The following GUCY1A2 variants were observed in gnomAD, a reference collection of about 807,000 sequenced individuals.
GUCY1A2 encodes the protein guanylate cyclase soluble subunit alpha-2.
Under a neutral mutation model 63.5 loss-of-function variants are expected in GUCY1A2, and 27 were observed. The observed-to-expected ratio is 0.43, with a 90% CI of 0.31 to 0.59. GUCY1A2 has a LOEUF of 0.59. Ranked by LOEUF, GUCY1A2 falls within the 20% of genes least tolerant of loss-of-function variation. GUCY1A2 has a pLI of 0.11. For synonymous variants in GUCY1A2, 364 were observed against 343.5 expected, an observed-to-expected ratio of 1.06 and a Z score of -0.66; for missense variants, 768 against 913.3, an observed-to-expected ratio of 0.84 and a Z score of 2.05.
chr11:106,986,564 C>T (rs191225777), intron 1 of GUCY1A2, among the ~76,000 whole-genome samples: 2 of 152,260 alleles, frequency 1.3e-5, no homozygotes, highest in Non-Finnish European at 2.9e-5. Flanking sequence ...TTTTCTTCTA[C>T]ATTTTAACAA....
intron 1 of GUCY1A2, among the ~76,000 whole-genome samples, chr11:107,008,130 T>C (rs1286199811): frequency 6.7e-6 from 1 of 149,262 alleles, no homozygotes; most frequent in Non-Finnish European, 1.5e-5. Context: ...CATACAAAAA[T>C]TAGCCAGGCA....
chr11:106,820,488 T>G (rs1858887122), intron 4 of GUCY1A2, among the ~76,000 whole-genome samples: 2 of 152,148 alleles, frequency 1.3e-5, no homozygotes, highest in African/African-American at 4.8e-5. Flanking sequence ...AACCTCTCCC[T>G]CCCAGGTTCA....
chr11:106,804,480 G>A (rs909931756), intron 5 of GUCY1A2, among the ~76,000 whole-genome samples: 2 of 152,148 alleles, frequency 1.3e-5, no homozygotes, highest in Non-Finnish European at 2.9e-5. Context: ...AAGTACCTAA[G>A]TACTTTGAAA....
intron 3 of GUCY1A2, among the ~76,000 whole-genome samples, chr11:106,946,547 A>C (rs1860831736): frequency 1.3e-5 from 2 of 152,190 alleles, no homozygotes. Context: ...AAGAAACTGC[A>C]AGAAAAAAAG....
At chr11:106,750,212 G>A (rs990397172) in intron 6 of GUCY1A2, among the ~76,000 whole-genome samples, 8 of 152,076 alleles carry the variant, frequency 5.3e-5, no homozygotes, top group Non-Finnish European at 1.0e-4. Flanking sequence ...GTGGAAGCAA[G>A]TGTCCAAAAC....
At chr11:106,772,747 C>CT (rs377728826) in intron 6 of GUCY1A2, among the ~76,000 whole-genome samples, 14 of 152,212 alleles carry the variant, frequency 9.2e-5, no homozygotes, top group African/African-American at 3.4e-4. Context: ...TACAAACATA[C>CT]TCTCCATAAA....
intron 4 of GUCY1A2, among the ~76,000 whole-genome samples, chr11:106,905,127 G>A (rs33916298): frequency 0.16 from 23,978 of 151,890 alleles, 2,326 homozygotes; most frequent in African/African-American, 0.27. Context: ...ATTAAGAGTC[G>A]GCAAACATGG....
intron 1 of GUCY1A2, among the ~76,000 whole-genome samples, chr11:106,990,055 A>G (rs547112527): frequency 6.6e-6 from 1 of 152,318 alleles, no homozygotes; most frequent in South Asian, 2.1e-4. Flanking sequence ...TACTGTTCCT[A>G]CTATCATAAA....
chr11:106,914,857 G>T (rs1357934062), intron 4 of GUCY1A2, among the ~76,000 whole-genome samples: 1 of 151,964 alleles, frequency 6.6e-6, no homozygotes, highest in African/African-American at 2.4e-5. Flanking sequence ...CTTGTAAGTT[G>T]TCACTCCATC....
chr11:106,820,542 G>T (rs934628478), intron 4 of GUCY1A2, among the ~76,000 whole-genome samples: 2 of 152,096 alleles, frequency 1.3e-5, no homozygotes, highest in African/African-American at 4.8e-5. Flanking sequence ...GAAACTACAG[G>T]TACATGCCAT....
chr11:106,815,882 C>T (rs1391082339), intron 4 of GUCY1A2, among the ~76,000 whole-genome samples: 1 of 151,838 alleles, frequency 6.6e-6, no homozygotes. Context: ...AACCTCAAGA[C>T]CTGCCAGCAG....
intron 1 of GUCY1A2, among the ~76,000 whole-genome samples, chr11:107,007,499 A>T (rs1314056934): frequency 2.0e-5 from 3 of 152,190 alleles, no homozygotes; most frequent in Non-Finnish European, 4.4e-5. Context: ...CTCAAGCTCA[A>T]TCTGACATAT....
At chr11:106,802,455 G>A (rs547320287) in intron 5 of GUCY1A2, among the ~76,000 whole-genome samples, 1 of 152,210 alleles carries the variant, frequency 6.6e-6, no homozygotes, top group East Asian at 1.9e-4. Context: ...ATTAGATACA[G>A]GAAATCCTAG....
intron 3 of GUCY1A2, among the ~76,000 whole-genome samples, chr11:106,971,734 C>G (rs1861197205): frequency 6.6e-6 from 1 of 152,078 alleles, no homozygotes; most frequent in Non-Finnish European, 1.5e-5. Context: ...TTCTCTTGCT[C>G]TGTCAGCTGA....
At chr11:107,003,084 T>C (rs1017909741) in intron 1 of GUCY1A2, among the ~76,000 whole-genome samples, 1 of 152,196 alleles carries the variant, frequency 6.6e-6, no homozygotes, top group African/African-American at 2.4e-5. Flanking sequence ...AACATGAATT[T>C]CCAACTCTAA....
At position 107,017,754 on chromosome 11, in the gene GUCY1A2, G is replaced by A. The variant is rs761503334; in HGVS notation, c.302C>T (p.Ser101Leu). The change falls in exon 1 of 8, where the codon TCG becomes TTG. Residue 101 changes from serine to leucine, a missense_variant and splice_region_variant. Coordinates refer to ENST00000526355, the MANE Select transcript of GUCY1A2 (RefSeq NM_000855.3). ...GESISRLTAP[S>L]PQTIQQTLKR... ...TCCCCCCTTCCGCCCCCCGCTCACCGAGGGCGCCGTCAGGCGGCTGATGCT... is the reference window on the plus strand; with the variant it reads ...TCCCCCCTTCCGCCCCCCGCTCACCAAGGGCGCCGTCAGGCGGCTGATGCT... 2.1e-6 allele frequency: 3 copies of A among 1,397,108 alleles called. No homozygotes were observed. The highest frequency in any genetic ancestry group is 2.8e-6 in the Non-Finnish European group (3 of 1,077,272). 86.5% of individuals were successfully genotyped at this position (1,397,108 alleles called of 1,614,324 possible).
intron 6 of GUCY1A2, among the ~76,000 whole-genome samples, chr11:106,756,442 TTGA>T (rs1273176768): frequency 6.6e-6 from 1 of 152,206 alleles, no homozygotes; most frequent in African/African-American, 2.4e-5. Flanking sequence ...CTTCATAGTG[TTGA>T]TGGTCTTTAC....
chr11:106,909,392 C>CGTGTGTGTGTGTGTGTGTGTGTGTGTGT (rs1408056529), intron 4 of GUCY1A2, among the ~76,000 whole-genome samples: 17 of 135,676 alleles, frequency 1.3e-4, no homozygotes, highest in Non-Finnish European at 2.2e-4. Flanking sequence ...TGTGTGTGTA[C>CGTGTGTGTGTGTGTGTGTGTGTGTGTGT]GCTTTTCATT....
intron 4 of GUCY1A2, among the ~76,000 whole-genome samples, chr11:106,919,746 A>G (rs143997316): frequency 1.3e-5 from 2 of 152,260 alleles, no homozygotes; most frequent in East Asian, 3.9e-4. Flanking sequence ...AAAGGTTTAC[A>G]TATCTGAGGA....
Sources: gnomAD v4.1 joint callset for allele counts (sites outside exome capture counted in the v4.1 genomes callset) on GRCh38, gnomAD v4.1.1 for gene constraint, MANE v1.5 for transcripts, NCBI Gene and HGNC (gene_info 2026-07-23, HGNC 2026-07-21) for gene names.